Variants in HAUS6 observed in about 807,000 individuals in gnomAD.
HAUS6 encodes HAUS augmin-like complex subunit 6.
A neutral mutation model predicts 106.8 loss-of-function variants in HAUS6; 80 were observed. That is an observed-to-expected ratio of 0.75 (90% CI 0.63 to 0.90). HAUS6 has a LOEUF of 0.90. HAUS6 is among the 40% of genes least tolerant of loss of function. HAUS6 has a pLI of 0.00. For missense variants in HAUS6, 1,155 were observed against 1,118.1 expected (o/e 1.03, Z -0.47); for synonymous variants, 356 against 379.1 (o/e 0.94, Z 0.71).
chr9:19,084,625 TTTC>T (rs955627955), intron 7 of HAUS6, among the ~76,000 whole-genome samples: 20 of 147,722 alleles, frequency 1.4e-4, no homozygotes, highest in African/African-American at 4.3e-4. Flanking sequence ...GTTCACTTTT[TTTC>T]TTTTTTCTTT....
chr9:19,065,699 G>T lies in HAUS6; in HGVS notation c.1377-2119C>A, dbSNP rs1303352691. Reference sequence around the variant, plus strand: ...CTACTAAAAATACAAAAATTAGCCAGGTGTGGTCATGGGCGCCTGTAATCC... The same window carrying T: ...CTACTAAAAATACAAAAATTAGCCATGTGTGGTCATGGGCGCCTGTAATCC... On this transcript the variant is annotated intron_variant, in intron 12 of 16. Coordinates refer to ENST00000380502, the MANE Select transcript of HAUS6 (RefSeq NM_017645.5). 4.6e-5 allele frequency among the ~76,000 whole-genome samples: 7 copies of T among 151,960 alleles called. No homozygotes were observed. In the South Asian group the frequency reaches 1.5e-3, roughly 32 times the overall value.
intron 10 of HAUS6, among the ~76,000 whole-genome samples, chr9:19,077,942 T>C (rs907983968): frequency 6.6e-5 from 10 of 151,988 alleles, no homozygotes; most frequent in Non-Finnish European, 1.3e-4. Context: ...AAACCTGTAG[T>C]CCCAGCTACT....
At chr9:19,101,531 C>T (rs974952854) in intron 1 of HAUS6, among the ~76,000 whole-genome samples, 2 of 151,538 alleles carry the variant, frequency 1.3e-5, no homozygotes, top group African/African-American at 4.9e-5. Flanking sequence ...AATCCCAGCA[C>T]TTTGGAAGAC....
chr9:19,102,502 C>T, intron 1 of HAUS6, 22 bp downstream of exon 1: 1 of 1,610,062 alleles, frequency 6.2e-7, no homozygotes. Context: ...CTCCCTCGCC[C>T]CGCCGGCCCC....
intron 1 of HAUS6, 100 bp from the exon 2 acceptor site, chr9:19,096,869 A>G: frequency 5.4e-6 from 3 of 555,664 alleles, no homozygotes; most frequent in Non-Finnish European, 9.4e-6. Flanking sequence ...TAATGTTTTC[A>G]TTCTCTTCAG....
intron 9 of HAUS6, among the ~76,000 whole-genome samples, chr9:19,078,684 A>G (rs943918341): frequency 3.9e-5 from 6 of 152,098 alleles, no homozygotes; most frequent in South Asian, 2.1e-4. Context: ...GCTACTAAGG[A>G]GGCTGAGGTA....
In HAUS6 at chr9:19,102,663, G is replaced by A. The variant is rs746820330; in HGVS notation, c.-12C>T. On this transcript the variant is annotated 5_prime_UTR_variant, in exon 1 of 17. Coordinates refer to ENST00000380502, the MANE Select transcript of HAUS6 (RefSeq NM_017645.5). ...GAGGCCGAGCTCATCCTCGCGGTAGGCACGGTGGCTGCAAAGAAAGAAAGC... is the reference window on the plus strand; with the variant it reads ...GAGGCCGAGCTCATCCTCGCGGTAGACACGGTGGCTGCAAAGAAAGAAAGC... 4 of 1,608,620 alleles carry A rather than the reference G, an allele frequency of 2.5e-6. No individual in the cohort carries two copies. The highest frequency in any genetic ancestry group is 3.4e-6 in the Non-Finnish European group (4 of 1,177,404).
rs1287952034 is a variant in HAUS6 at position 19,054,609 on chromosome 9, G to A, written c.*1734C>T. ...GCTCTTTTGATTCTCAGTAATTAAG[G>A]GTTTCTCAGACTTGGGTGGCCAACT... On this transcript the variant is annotated 3_prime_UTR_variant, in exon 17 of 17. Coordinates refer to ENST00000380502, the MANE Select transcript of HAUS6 (RefSeq NM_017645.5). 1 of 152,028 alleles carries A rather than the reference G, an allele frequency of 6.6e-6. No homozygotes were observed. Among genetic ancestry groups the A allele is most frequent in the Non-Finnish European group, 1.5e-5 (1 of 68,004 alleles). 9.4% of individuals were successfully genotyped at this position (152,028 alleles called of 1,614,324 possible). A position where few individuals can be genotyped will look rare whatever the true frequency, so the allele number is the denominator to read the frequency against.
chr9:19,061,497 C>T (rs1348674027), intron 14 of HAUS6, among the ~76,000 whole-genome samples: 1 of 152,010 alleles, frequency 6.6e-6, no homozygotes, highest in South Asian at 2.1e-4. Flanking sequence ...TTTAAAAGTA[C>T]TTAGGGACCA....
Position 19,078,244 on chromosome 9 carries a change from C to A in HAUS6, c.1123G>T (p.Glu375Ter). The A allele has an allele frequency of 6.4e-7, 1 of 1,560,772 alleles. No individual in the cohort carries two copies. Among genetic ancestry groups the A allele is most frequent in the Non-Finnish European group, 8.8e-7 (1 of 1,133,088 alleles). ...AATTCTTTCCACTTTTTATGCCATT[C>A]TCCTTGCTTTTCAACAACAGAATGT... ...IRHSVVEKQG[E>*]WHKKWKEFLG... The change falls in exon 10 of 17, where the codon GAA (glutamate) becomes TAA (stop). Residue 375 changes from glutamate (E) to a stop codon, truncating the protein, a stop_gained. Transcript: ENST00000380502. LOFTEE classifies it high-confidence loss of function.
intron 4 of HAUS6, among the ~76,000 whole-genome samples, chr9:19,089,994 A>G (rs918324864): frequency 6.6e-6 from 1 of 151,712 alleles, no homozygotes; most frequent in Admixed American, 6.6e-5. Flanking sequence ...CACCATGCCC[A>G]GCTAGTTTTT....
chr9:19,093,909 G>A lies in HAUS6; in HGVS notation c.303+408C>T, dbSNP rs144665942. On this transcript the variant is annotated intron_variant, in intron 3 of 16. Coordinates refer to ENST00000380502, the MANE Select transcript of HAUS6 (RefSeq NM_017645.5). ...TAAAATAAAATAAAGAATTTGATCA[G>A]AATTATTCCTTTTAAACCACAAGTT... Among the ~76,000 whole-genome samples, 618 of 152,172 alleles carry A rather than the reference G, an allele frequency of 4.1e-3. 2 individuals are homozygous for A. The highest frequency in any genetic ancestry group is 0.014 in the African/African-American group (593 of 41,528).
Position 19,058,161 on chromosome 9 carries a change from G to A in HAUS6, c.2606C>T (p.Thr869Ile). ...PERHKPELSP[T>I]PQNVQTDDTL... ...ATCATCTGTTTGTACATTTTGGGGA[G>A]TAGGGCTCAATTCTGGTTTGTGTCT... The change falls in exon 16 of 17, where the codon ACT becomes ATT. Residue 869 changes from threonine to isoleucine, a missense_variant. Physicochemically the swap from Thr to Ile is moderately conservative, Grantham distance 89 (BLOSUM62 -1). Coordinates refer to ENST00000380502, the MANE Select transcript of HAUS6 (RefSeq NM_017645.5). 1 of 1,613,938 alleles carries A rather than the reference G, an allele frequency of 6.2e-7. No individual in the cohort carries two copies. The highest frequency in any genetic ancestry group is 8.5e-7 in the Non-Finnish European group (1 of 1,179,834).
chr9:19,090,304 G>C (rs192362056), intron 4 of HAUS6, among the ~76,000 whole-genome samples: 40 of 152,214 alleles, frequency 2.6e-4, no homozygotes, highest in Admixed American at 2.2e-3. Context: ...ATCCGTAATA[G>C]TGTATTTATT....
At chr9:19,083,865 C>T (rs1203712104) in intron 7 of HAUS6, among the ~76,000 whole-genome samples, 1 of 150,730 alleles carries the variant, frequency 6.6e-6, no homozygotes, top group African/African-American at 2.4e-5. Flanking sequence ...TTAAGTCATT[C>T]AGTTTGAGGA....
At chr9:19,095,504 C>CAAAA (rs35289506) in intron 2 of HAUS6, among the ~76,000 whole-genome samples, 1 of 136,580 alleles carries the variant, frequency 7.3e-6, no homozygotes, top group African/African-American at 2.8e-5. Context: ...TGATAATCAG[C>CAAAA]AAAAAAAAAA....
At chr9:19,097,524 G>GA in intron 1 of HAUS6, among the ~76,000 whole-genome samples, 2 of 152,152 alleles carry the variant, frequency 1.3e-5, no homozygotes, top group South Asian at 4.1e-4. Context: ...GGCCATCAGA[G>GA]AAATGCAAAT....
intron 7 of HAUS6, among the ~76,000 whole-genome samples, chr9:19,084,901 A>C (rs1229568497): frequency 1.3e-5 from 2 of 151,246 alleles, no homozygotes; most frequent in Non-Finnish European, 2.9e-5. Flanking sequence ...CAAAGTGCTC[A>C]CAGGCGTGAG....
chr9:19,097,665 G>C (rs974489698), intron 1 of HAUS6, among the ~76,000 whole-genome samples: 4 of 151,932 alleles, frequency 2.6e-5, no homozygotes, highest in African/African-American at 9.7e-5. Flanking sequence ...CTAGAGTCCA[G>C]GGTCTTCACT....
Sources: allele counts gnomAD v4.1 joint callset (sites outside exome capture counted in the v4.1 genomes callset), GRCh38; gene constraint gnomAD v4.1.1; transcripts MANE v1.5; gene names NCBI Gene and HGNC (gene_info 2026-07-23, HGNC 2026-07-21).